MME: variants seen among roughly 807,000 people sequenced by gnomAD.
MME encodes membrane metalloendopeptidase.
A neutral mutation model predicts 113.2 loss-of-function variants in MME; 98 were observed. That is an observed-to-expected ratio of 0.87 (90% CI 0.74 to 1.02). The LOEUF (loss-of-function observed/expected upper bound fraction) is 1.02, where lower values mean the gene tolerates loss of function less well. MME is among the 50% of genes least tolerant of loss of function. MME has a pLI of 0.00. For synonymous variants in MME, 292 were observed against 300.6 expected (o/e 0.97, Z 0.30); for missense variants, 836 against 896.0 (o/e 0.93, Z 0.86).
At chr3:155,069,056 T>C (rs535091276) in intron 1 of MME, among the ~76,000 whole-genome samples, 1 of 152,238 alleles carries the variant, frequency 6.6e-6, no homozygotes, top group East Asian at 1.9e-4. Context: ...GTAAAGTATA[T>C]AGGTTTCACG....
intron 3 of MME, among the ~76,000 whole-genome samples, chr3:155,108,134 T>A (rs1321742443): frequency 1.3e-5 from 2 of 152,162 alleles, no homozygotes; most frequent in African/African-American, 4.8e-5. Flanking sequence ...ACCTTGTATT[T>A]CCCCTAGGGT....
intron 22 of MME, 41 bp from the exon 23 acceptor site, chr3:155,180,319 G>C (rs1380286909): frequency 2.1e-6 from 3 of 1,420,084 alleles, no homozygotes; most frequent in Admixed American, 1.7e-5. Context: ...ATGGACGTGA[G>C]TATCAAATGC....
chr3:155,084,366 A>G (rs1447671737), intron 2 of MME, 39 bp downstream of exon 2: 3 of 1,606,400 alleles, frequency 1.9e-6, no homozygotes, highest in Non-Finnish European at 2.6e-6. Flanking sequence ...TAAGTGCAAA[A>G]GAGAAGGAAA....
rs551614153 is a variant in MME at position 155,050,992 on chromosome 3, T to C, written c.-11+26668T>C. On this transcript the variant is annotated intron_variant, in intron 1 of 22. Coordinates refer to the MME transcript ENST00000492661. ...ACACATAAGTGATTAACTTGGATGT[T>C]TGAGCTGAGGATATTTCTAAGCAAA... Among the ~76,000 whole-genome samples the C allele has an allele frequency of 2.0e-5, 3 of 152,286 alleles. No individual in the cohort carries two copies. The East Asian group carries it at 5.8e-4, about 29-fold the overall frequency.
chr3:155,080,718 T>C (rs1253885608), intron 1 of MME, among the ~76,000 whole-genome samples: 3 of 152,148 alleles, frequency 2.0e-5, no homozygotes, highest in African/African-American at 4.8e-5. Context: ...AAAATAAGGG[T>C]AATTGCAACC....
At chr3:155,106,752 C>T (rs1717720983) in intron 3 of MME, among the ~76,000 whole-genome samples, 1 of 152,078 alleles carries the variant, frequency 6.6e-6, no homozygotes, top group Admixed American at 6.6e-5. Context: ...TCAAAAATTG[C>T]CTAGAAGTAA....
At chr3:155,167,461 T>C (rs537799137) in intron 18 of MME, among the ~76,000 whole-genome samples, 85 of 152,182 alleles carry the variant, frequency 5.6e-4, no homozygotes, top group African/African-American at 1.9e-3. Flanking sequence ...TTTCGTCTTG[T>C]ACCTACTACC....
chr3:155,030,126 A>T (rs939934392), intron 1 of MME, among the ~76,000 whole-genome samples: 1 of 152,180 alleles, frequency 6.6e-6, no homozygotes, highest in East Asian at 1.9e-4. Flanking sequence ...TTATTTGTTC[A>T]GACAAAAAAG....
rs780317185 is a variant in MME at position 155,035,243 on chromosome 3, CTAT to C, written c.-11+10920_-11+10922del. Among the ~76,000 whole-genome samples the C allele has an allele frequency of 3.1e-4, 45 of 146,356 alleles. 1 individual carries two copies. In the East Asian group the frequency reaches 5.9e-3, roughly 19 times the overall value. ...TAGTACTTATTTAATATTAATAATA[CTAT>C]AATGTCTATAATATAAATATAAAAT... is the stretch of plus-strand genomic sequence containing the variant. On this transcript the variant is annotated intron_variant, in intron 1 of 22. Coordinates refer to the MME transcript ENST00000492661.
At chr3:155,052,069 A>G (rs1009141748) in intron 1 of MME, among the ~76,000 whole-genome samples, 1 of 152,186 alleles carries the variant, frequency 6.6e-6, no homozygotes, top group Non-Finnish European at 1.5e-5. Context: ...AATGCTCCAA[A>G]ATAATCTCCT....
chr3:155,093,337 TTAAAA>T (rs1553755196), intron 3 of MME, among the ~76,000 whole-genome samples: 18,206 of 151,998 alleles, frequency 0.12, 1,088 homozygotes, highest in Non-Finnish European at 0.14. Flanking sequence ...AACTGGGAAG[TTAAAA>T]TTATTTCAGG....
chr3:155,044,583 C>A (rs1713482541), intron 1 of MME, among the ~76,000 whole-genome samples: 1 of 151,700 alleles, frequency 6.6e-6, no homozygotes, highest in African/African-American at 2.4e-5. Context: ...TGCAATGGCA[C>A]AATCTCAGCT....
chr3:155,180,017 T>C (rs1712926329), intron 22 of MME, among the ~76,000 whole-genome samples: 1 of 152,182 alleles, frequency 6.6e-6, no homozygotes, highest in South Asian at 2.1e-4. Context: ...ATTATTCATG[T>C]TTTACAAACA....
In MME at chr3:155,140,206, G is replaced by C; in HGVS notation, c.871G>C (p.Glu291Gln). ...AAATCCATAGGCTACGGCTAAACCT[G>C]AAGATCGAAATGATCCAATGCTTCT... is the stretch of plus-strand genomic sequence containing the variant. ...KEIANATAKP[E>Q]DRNDPMLLYN... The change falls in exon 10 of 23, where the codon GAA (glutamate) becomes CAA (glutamine). Residue 291 changes from glutamate to glutamine, a missense_variant. By Grantham distance (29) the Glu-to-Gln change is conservative. Coordinates refer to ENST00000360490, the MANE Select transcript of MME (RefSeq NM_007289.4). The C allele has an allele frequency of 6.2e-7, 1 of 1,611,306 alleles. No homozygotes were observed. The highest frequency in any genetic ancestry group is 1.1e-5 in the South Asian group (1 of 90,664).
chr3:155,140,900 T>C (rs2016846), intron 10 of MME, among the ~76,000 whole-genome samples: 2 of 151,732 alleles, frequency 1.3e-5, no homozygotes, highest in Admixed American at 6.6e-5. Context: ...CTTCCCGTGT[T>C]CTCATCAAGG....
chr3:155,083,051 G>T (rs558326605), intron 1 of MME, among the ~76,000 whole-genome samples: 1 of 152,292 alleles, frequency 6.6e-6, no homozygotes, highest in South Asian at 2.1e-4. Flanking sequence ...TGGAAATTGT[G>T]TGTTCTAATC....
chr3:155,132,295 C>A (rs1353230838), intron 8 of MME, among the ~76,000 whole-genome samples: 1 of 152,126 alleles, frequency 6.6e-6, no homozygotes, highest in African/African-American at 2.4e-5. Flanking sequence ...AGGCTTTTTC[C>A]AGGCAGGAAG....
At chr3:155,067,254 GT>G (rs1429571299) in intron 1 of MME, among the ~76,000 whole-genome samples, 190 of 83,794 alleles carry the variant, frequency 2.3e-3, no homozygotes, top group Non-Finnish European at 4.5e-3. Flanking sequence ...ATTTTTGTAT[GT>G]TTTAAAAATT....
At chr3:155,068,514 G>C (rs1407176482) in intron 1 of MME, among the ~76,000 whole-genome samples, 1 of 152,180 alleles carries the variant, frequency 6.6e-6, no homozygotes, top group Non-Finnish European at 1.5e-5. Flanking sequence ...AATATTTTAG[G>C]CTGGTCTGAC....
Sources: allele counts gnomAD v4.1 joint callset (sites outside exome capture counted in the v4.1 genomes callset), GRCh38; gene constraint gnomAD v4.1.1; transcripts MANE v1.5; gene names NCBI Gene and HGNC (gene_info 2026-07-23, HGNC 2026-07-21).